NCKAP5: variants seen among roughly 807,000 people sequenced by gnomAD.
NCKAP5 encodes nck-associated protein 5.
In NCKAP5, 92 loss-of-function variants were observed where a neutral mutation model predicts 167.0. The observed-to-expected ratio is 0.55, with a 90% CI of 0.47 to 0.66. NCKAP5 has a LOEUF of 0.66. Among genes scored for constraint, NCKAP5 ranks in the 30% least tolerant of loss-of-function variants. NCKAP5 has a pLI of 0.00. For missense variants in NCKAP5, 2,378 were observed against 2,315.0 expected, an observed-to-expected ratio of 1.03 and a Z score of -0.56; for synonymous variants, 891 against 877.4, an observed-to-expected ratio of 1.02 and a Z score of -0.27.
At chr2:132,984,852 T>G (rs1351121911) in intron 7 of NCKAP5, among the ~76,000 whole-genome samples, 1 of 150,930 alleles carries the variant, frequency 6.6e-6, no homozygotes, top group African/African-American at 2.4e-5. Context: ...GTGATTTTGC[T>G]CTGTTCAAAT....
chr2:132,835,245 A>G (rs906884399), intron 11 of NCKAP5, among the ~76,000 whole-genome samples: 3 of 152,104 alleles, frequency 2.0e-5, no homozygotes, highest in African/African-American at 7.2e-5. Context: ...TTGCATCTAT[A>G]TTCATCAGGA....
intron 15 of NCKAP5, among the ~76,000 whole-genome samples, chr2:132,775,935 C>G (rs1181174233): frequency 6.6e-6 from 1 of 152,152 alleles, no homozygotes; most frequent in African/African-American, 2.4e-5. Flanking sequence ...ACCTGTTGGA[C>G]TGTCAGTAAA....
chr2:133,357,288 GACACAC>G (rs10635907), intron 3 of NCKAP5, among the ~76,000 whole-genome samples: 2,573 of 140,260 alleles, frequency 0.018, 72 homozygotes, highest in African/African-American at 0.06. Flanking sequence ...CACATACACA[GACACAC>G]ACACACACAC....
intron 6 of NCKAP5, among the ~76,000 whole-genome samples, chr2:133,046,582 T>C (rs943227716): frequency 6.6e-6 from 1 of 152,086 alleles, no homozygotes; most frequent in Non-Finnish European, 1.5e-5. Context: ...CCTCTCTATG[T>C]TGCCCAGGTT....
intron 6 of NCKAP5, among the ~76,000 whole-genome samples, chr2:133,004,232 C>T (rs1398079130): frequency 2.0e-5 from 3 of 152,148 alleles, no homozygotes; most frequent in Non-Finnish European, 4.4e-5. Flanking sequence ...TCAGGATTGA[C>T]ACTATATCCA....
intron 8 of NCKAP5, among the ~76,000 whole-genome samples, chr2:132,937,816 A>G (rs1348136695): frequency 6.6e-6 from 1 of 152,260 alleles, no homozygotes; most frequent in Non-Finnish European, 1.5e-5. Flanking sequence ...GGCATCCACT[A>G]TAAATACACA....
At chr2:132,708,020 C>T (rs1449425879) in intron 19 of NCKAP5, among the ~76,000 whole-genome samples, 1 of 152,138 alleles carries the variant, frequency 6.6e-6, no homozygotes, top group Non-Finnish European at 1.5e-5. Context: ...CACCTTCTGA[C>T]TGAAGAGCCT....
intron 19 of NCKAP5, among the ~76,000 whole-genome samples, chr2:132,677,403 A>C (rs1344602892): frequency 6.6e-6 from 1 of 152,186 alleles, no homozygotes; most frequent in Non-Finnish European, 1.5e-5. Flanking sequence ...ATCTCTTGAG[A>C]ATTAGACCTT....
At chr2:133,011,886 C>T (rs2078172525) in intron 6 of NCKAP5, among the ~76,000 whole-genome samples, 1 of 152,126 alleles carries the variant, frequency 6.6e-6, no homozygotes, top group African/African-American at 2.4e-5. Context: ...AATTTCAAAG[C>T]CAATTAGAAT....
At chr2:133,222,029 T>C (rs1406081882) in intron 4 of NCKAP5, among the ~76,000 whole-genome samples, 1 of 152,214 alleles carries the variant, frequency 6.6e-6, no homozygotes, top group Non-Finnish European at 1.5e-5. Flanking sequence ...ATAGTTGCTA[T>C]GTCAGGCACT....
chr2:133,475,713 T>C (rs1364837210), intron 3 of NCKAP5, among the ~76,000 whole-genome samples: 2 of 152,114 alleles, frequency 1.3e-5, no homozygotes, highest in Non-Finnish European at 2.9e-5. Context: ...TACAGAAAAA[T>C]GTTAGTCCAA....
intron 6 of NCKAP5, chr2:133,122,395 G>C (rs1165990457): frequency 1.3e-5 from 2 of 152,118 alleles, no homozygotes; most frequent in East Asian, 3.8e-4. Context: ...TTAGAGGAGA[G>C]ACTAAATCAT....
At chr2:133,139,957 AC>A (rs977460694) in intron 5 of NCKAP5, among the ~76,000 whole-genome samples, 14 of 152,146 alleles carry the variant, frequency 9.2e-5, no homozygotes, top group Admixed American at 2.0e-4. Context: ...TCTTTCCCTT[AC>A]CCGAATCTTT....
chr2:133,156,532 C>T (rs2083583860), intron 5 of NCKAP5, among the ~76,000 whole-genome samples: 1 of 152,112 alleles, frequency 6.6e-6, no homozygotes, highest in East Asian at 1.9e-4. Context: ...TACAATGTTT[C>T]CAGACTCCAA....
intron 8 of NCKAP5, among the ~76,000 whole-genome samples, chr2:132,953,062 A>G (rs2149157446): frequency 6.6e-6 from 1 of 152,318 alleles, no homozygotes; most frequent in African/African-American, 2.4e-5. Context: ...TGTTGGATAG[A>G]TAGGTAGTTC....
the NCKAP5 span, among the ~76,000 whole-genome samples, chr2:133,651,248 T>C: frequency 2.6e-5 from 4 of 152,070 alleles, no homozygotes; most frequent in African/African-American, 7.2e-5. Flanking sequence ...AAATCACATA[T>C]TGGAAAAGGG....
intron 6 of NCKAP5, among the ~76,000 whole-genome samples, chr2:133,128,700 T>C (rs527404618): frequency 2.6e-5 from 4 of 151,964 alleles, no homozygotes; most frequent in African/African-American, 9.7e-5. Context: ...TGGGTTCAAG[T>C]GATTCTCCTG....
chr2:132,933,389 G>A (rs762458846), intron 8 of NCKAP5, among the ~76,000 whole-genome samples: 6 of 152,032 alleles, frequency 3.9e-5, no homozygotes, highest in Admixed American at 2.6e-4. Context: ...TTCCTAGCAC[G>A]GTGTCTAACA....
At chr2:133,170,007 G>T (rs989566576) in intron 5 of NCKAP5, among the ~76,000 whole-genome samples, 7 of 152,052 alleles carry the variant, frequency 4.6e-5, no homozygotes, top group African/African-American at 1.7e-4. Flanking sequence ...ATCAGACCCT[G>T]ACTTTCAGAA....
Sources: allele counts gnomAD v4.1 joint callset (sites outside exome capture counted in the v4.1 genomes callset), GRCh38; gene constraint gnomAD v4.1.1; transcripts MANE v1.5; gene names NCBI Gene and HGNC (gene_info 2026-07-23, HGNC 2026-07-21).